The following PIAS3 variants were observed in gnomAD, a reference collection of about 807,000 sequenced individuals.
PIAS3 encodes E3 SUMO-protein ligase PIAS3.
PIAS3 carries 34 observed loss-of-function variants against 67.6 expected under a neutral mutation model. The observed-to-expected ratio is 0.50, with a 90% confidence interval of 0.38 to 0.67. The LOEUF (loss-of-function observed/expected upper bound fraction) is 0.67. Among genes scored for constraint, PIAS3 ranks in the 30% least tolerant of loss-of-function variants. The pLI is 0.00. For missense variants in PIAS3, 693 were observed against 791.6 expected, an observed-to-expected ratio of 0.88 and a Z score of 1.49; for synonymous variants, 341 against 313.8, an observed-to-expected ratio of 1.09 and a Z score of -0.92.
At chr1:145,853,935 A>G (rs782762451) in intron 7 of PIAS3, 49 bp from the exon 8 acceptor site, 40 of 1,558,702 alleles carry the variant, frequency 2.6e-5, no homozygotes, top group Non-Finnish European at 3.4e-5. Context: ...GGCTGGAGGA[A>G]GCCCAGGAGT....
At chr1:145,854,993 C>G in intron 5 of PIAS3, 113 bp from the exon 6 acceptor site, 1 of 1,262,728 alleles carries the variant, frequency 7.9e-7, no homozygotes, top group East Asian at 2.3e-5. Flanking sequence ...AAGGCCAACT[C>G]GCTCACTCAC....
At chr1:145,850,371 G>C in intron 12 of PIAS3, 82 bp downstream of exon 12, 1 of 1,611,016 alleles carries the variant, frequency 6.2e-7, no homozygotes, top group South Asian at 1.1e-5. Flanking sequence ...GAAGCAGGAG[G>C]CTTTGAGAAG....
intron 1 of PIAS3, among the ~76,000 whole-genome samples, chr1:145,858,245 A>G (rs782016737): frequency 1.4e-4 from 21 of 152,000 alleles, no homozygotes; most frequent in Non-Finnish European, 2.5e-4. Context: ...GTGATGAGAA[A>G]CTTGCTCCTC....
Position 145,851,057 on chromosome 1 carries a change from T to G in PIAS3, c.1242A>C (p.Ala414=), listed in dbSNP as rs782580258. The G allele has an allele frequency of 1.2e-6, 2 of 1,614,208 alleles. No individual in the cohort carries two copies. The highest frequency in any genetic ancestry group is 1.7e-6 in the Non-Finnish European group (2 of 1,180,048). The part of the protein sequence containing the change: ...SWCPMKPKKE[A]SEVCPPPGYG... The stretch of plus-strand genomic sequence containing the variant: ...ACCCTGGCGGGGGGCAAACCTCAGA[T>G]GCCTCCTTCTTGGGTTTCATTGGGC... The change falls in exon 10 of 14, where the codon GCA becomes GCC. Residue 414 remains alanine (A), a synonymous_variant. Coordinates refer to ENST00000393045, the MANE Select transcript of PIAS3 (RefSeq NM_006099.3).
chr1:145,849,839 C>A (rs1553733724), intron 13 of PIAS3, 127 bp from the exon 14 acceptor site: 2 of 1,480,104 alleles, frequency 1.4e-6, no homozygotes, highest in East Asian at 2.4e-5. Flanking sequence ...TCTTGAGAAG[C>A]AGGAGAGCCT....
At position 145,848,716 on chromosome 1, in the gene PIAS3, C is replaced by A; in HGVS notation, c.*730G>T. On this transcript the variant is annotated 3_prime_UTR_variant, in exon 14 of 14. Transcript: ENST00000393045. ...CTACAGGGCCATGAGCCTCTAGAAGCTTAGGGGGGAATAAGAAACACTGTG... is the reference window on the plus strand; with the variant it reads ...CTACAGGGCCATGAGCCTCTAGAAGATTAGGGGGGAATAAGAAACACTGTG... 1 of 473,396 alleles carries A rather than the reference C, an allele frequency of 2.1e-6. No individual in the cohort carries two copies. Among genetic ancestry groups the A allele is most frequent in the Non-Finnish European group, 3.7e-6 (1 of 269,164 alleles). The allele number at this position is 473,396 out of a possible 1,614,324, so 29.3% of individuals were successfully genotyped here.
At chr1:145,852,996 TAC>T (rs370367599) in intron 9 of PIAS3, among the ~76,000 whole-genome samples, 27 of 149,300 alleles carry the variant, frequency 1.8e-4, no homozygotes, top group Non-Finnish European at 1.9e-4. Context: ...CACATGCACA[TAC>T]ACACACACAC....
In PIAS3 at chr1:145,850,802, C is replaced by T; in HGVS notation, c.1417G>A (p.Ala473Thr). 6.2e-7 allele frequency: 1 copy of T among 1,614,212 alleles called. No individual in the cohort carries two copies. Among genetic ancestry groups the T allele is most frequent in the Non-Finnish European group, 8.5e-7 (1 of 1,180,034 alleles). ...PTKKHCSVTS[A>T]AIPALPGSKG... ...CTTCCAGGTAGGGCCGGGATGGCAG[C>T]TGAGGTGACAGAACAGTGCTTCTTG... Residue 473 changes from alanine to threonine, a missense_variant, in exon 11 of 14, where the codon GCT (alanine) becomes ACT (threonine). By Grantham distance (58) the Ala-to-Thr change is moderately conservative (BLOSUM62 0). Coordinates refer to ENST00000393045, the MANE Select transcript of PIAS3 (RefSeq NM_006099.3).
In PIAS3 at chr1:145,849,594, G is replaced by C; in HGVS notation, c.1739C>G (p.Ser580Cys). Residue 580 changes from serine to cysteine, a missense_variant, in exon 14 of 14, where the codon TCC becomes TGC. Transcript: ENST00000393045. Reference protein sequence around the residue: ...LGPLAPTLGSSHCSATPAPPP... With the variant: ...LGPLAPTLGSCHCSATPAPPP... Reference sequence around the variant, plus strand: ...GGGCGCCGGAGTGGCGCTGCAGTGGGAGCTCCCCAGCGTGGGGGCCAGTGG... The same window carrying C: ...GGGCGCCGGAGTGGCGCTGCAGTGGCAGCTCCCCAGCGTGGGGGCCAGTGG... The C allele has an allele frequency of 6.2e-7, 1 of 1,613,296 alleles. No homozygotes were observed. The highest frequency in any genetic ancestry group is 8.5e-7 in the Non-Finnish European group (1 of 1,179,664).
rs782203594 is a variant in PIAS3, at chr1:145,849,685, G to C, written c.1648C>G (p.Leu550Val). The change falls in exon 14 of 14, where the codon CTA (leucine) becomes GTA (valine). Residue 550 changes from leucine (L) to valine (V), a missense_variant. Coordinates refer to ENST00000393045, the MANE Select transcript of PIAS3 (RefSeq NM_006099.3). ...QHYGPSVITS[L>V]DEQDALGHFF... is the part of the protein sequence containing the mutation. ...TGGCCAAGGGCATCCTGTTCATCTA[G>C]TGAGGTGATGACAGAGGGGCCATAG... 5 of 1,609,788 alleles carry C rather than the reference G, an allele frequency of 3.1e-6. No individual in the cohort carries two copies. Among genetic ancestry groups the C allele is most frequent in the Non-Finnish European group, 4.2e-6 (5 of 1,178,076 alleles).
At position 145,856,135 on chromosome 1, in the gene PIAS3, G is replaced by A. The variant is rs1255034396; in HGVS notation, c.528-17C>T. ...AGAACCTCTCTGTAACAGGGAGGGA[G>A]ATGAAGAGATGTCAGCATGTAGCCC... On this transcript the variant is annotated splice_polypyrimidine_tract_variant and intron_variant, in intron 3 of 13. Transcript: ENST00000393045. 4.4e-6 allele frequency: 7 copies of A among 1,608,822 alleles called. No homozygotes were observed. The highest frequency in any genetic ancestry group is 1.3e-5 in the African/African-American group (1 of 74,804).
chr1:145,853,787 C>G (rs1653055542), intron 8 of PIAS3, 26 bp downstream of exon 8: 1 of 1,612,270 alleles, frequency 6.2e-7, no homozygotes, highest in African/African-American at 1.3e-5. Flanking sequence ...CCTTCCCACC[C>G]TGTTCCCTTC....
In PIAS3 at chr1:145,855,023, C is replaced by G; in HGVS notation, c.670-143G>C. On this transcript the variant is annotated intron_variant, in intron 5 of 13. Transcript: ENST00000393045. ...ACTCACTGACCAAGGGGATGGAGGC[C>G]CATTCAGTGGCTCACAAAACTGGAG... 4.3e-6 allele frequency: 4 copies of G among 927,022 alleles called. No individual in the cohort carries two copies. The South Asian group carries it at 6.1e-5, about 14-fold the overall frequency. The allele number at this position is 927,022 out of a possible 1,614,324, so 57.4% of individuals were successfully genotyped here.
rs1652928731 is a variant in PIAS3, at chr1:145,850,859, T to C, written c.1360A>G (p.Ser454Gly). The change falls in exon 11 of 14, where the codon AGC (serine) becomes GGC (glycine). Residue 454 changes from serine (S) to glycine (G), a missense_variant. By Grantham distance (56) the Ser-to-Gly change is moderately conservative. Coordinates refer to ENST00000393045, the MANE Select transcript of PIAS3 (RefSeq NM_006099.3). ...GGCAGATCCTCCTCATCTGATGAGCTTTCTATTGTCAAGTCAATAACTTCG... is the reference window on the plus strand; with the variant it reads ...GGCAGATCCTCCTCATCTGATGAGCCTTCTATTGTCAAGTCAATAACTTCG... ...KVEVIDLTIESSSDEEDLPPT... is the reference protein window; with the variant it reads ...KVEVIDLTIEGSSDEEDLPPT... 4 of 1,614,176 alleles carry C rather than the reference T, an allele frequency of 2.5e-6. No individual in the cohort carries two copies. The highest frequency in any genetic ancestry group is 1.1e-5 in the South Asian group (1 of 91,084).
chr1:145,850,857 G>A lies in PIAS3; in HGVS notation c.1362C>T (p.Ser454=), dbSNP rs782560950. 1 of 1,614,174 alleles carries A rather than the reference G, an allele frequency of 6.2e-7. No individual in the cohort carries two copies. The highest frequency in any genetic ancestry group is 1.3e-5 in the African/African-American group (1 of 75,044). The change falls in exon 11 of 14, where the codon AGC becomes AGT. Residue 454 remains serine, a synonymous_variant. Transcript: ENST00000393045. The part of the protein sequence containing the change: ...KVEVIDLTIE[S]SSDEEDLPPT... ...GGGGCAGATCCTCCTCATCTGATGA[G>A]CTTTCTATTGTCAAGTCAATAACTT...
At chr1:145,856,492 C>A in intron 2 of PIAS3, 61 bp from the exon 3 acceptor site, 1 of 1,599,600 alleles carries the variant, frequency 6.3e-7, no homozygotes, top group Non-Finnish European at 8.6e-7. Context: ...GAAATCGCCC[C>A]CATCCCAGGT....
At chr1:145,850,004 G>A (rs182983623) in intron 13 of PIAS3, 129 of 1,437,060 alleles carry the variant, frequency 9.0e-5, no homozygotes, top group Non-Finnish European at 1.1e-4. Flanking sequence ...GGGGGTAGGG[G>A]TGAGTAGGCC....
intron 4 of PIAS3, 49 bp from the exon 5 acceptor site, chr1:145,855,875 T>G (rs1553735462): frequency 3.9e-6 from 5 of 1,282,690 alleles, no homozygotes; most frequent in Non-Finnish European, 5.7e-6. Context: ...ATTTCTTAAC[T>G]TGAATCTGGC....
chr1:145,853,490 C>T lies in PIAS3; in HGVS notation c.1145+14G>A, dbSNP rs781887248. On this transcript the variant is annotated intron_variant, in intron 9 of 13. Coordinates refer to ENST00000393045, the MANE Select transcript of PIAS3 (RefSeq NM_006099.3). ...AGTGGATGTCCTAGGTAAGAGGAAG[C>T]AAAATGGCCCTACCCATCAATGATA... 3 of 1,580,406 alleles carry T rather than the reference C, an allele frequency of 1.9e-6. No individual in the cohort carries two copies. Among genetic ancestry groups the T allele is most frequent in the South Asian group, 1.2e-5 (1 of 85,504 alleles).
Sources: allele counts gnomAD v4.1 joint callset (sites outside exome capture counted in the v4.1 genomes callset), GRCh38; gene constraint gnomAD v4.1.1; transcripts MANE v1.5; gene names NCBI Gene and HGNC (gene_info 2026-07-23, HGNC 2026-07-21).